FILIP1: variants seen among roughly 807,000 people sequenced by gnomAD.
FILIP1 encodes the protein filamin-A-interacting protein 1.
A neutral mutation model predicts 102.1 loss-of-function variants in FILIP1; 61 were observed. The ratio of observed to expected loss-of-function variants is 0.60; its 90% CI spans 0.49 to 0.74. FILIP1 has a LOEUF of 0.74. Among genes scored for constraint, FILIP1 ranks in the 30% least tolerant of loss-of-function variants. The probability of loss-of-function intolerance (pLI) is 0.00; values close to 1 mark genes in which losing one functional copy is unlikely to be tolerated. For synonymous variants in FILIP1, 491 were observed against 526.9 expected (o/e 0.93, Z 0.93); for missense variants, 1,314 against 1,441.2 (o/e 0.91, Z 1.43).
Position 75,312,928 on chromosome 6 carries a change from T to A in FILIP1, c.2904A>T (p.Gly968=). The A allele has an allele frequency of 6.2e-7, 1 of 1,614,154 alleles. No homozygotes were observed. The highest frequency in any genetic ancestry group is 1.1e-5 in the South Asian group (1 of 91,076). ...PNVMPQKQKS[G]DTTLGPERAM... is the part of the protein sequence containing the mutation. ...CTCGTTCTGGGCCAAGAGTAGTATC[T>A]CCACTTTTTTGTTTTTGAGGCATAA... The change falls in exon 5 of 6, where the codon GGA becomes GGT. Residue 968 remains glycine (G), a synonymous_variant. Coordinates refer to ENST00000237172, the MANE Select transcript of FILIP1 (RefSeq NM_015687.5).
Position 75,312,277 on chromosome 6 carries a change from T to C in FILIP1, c.3435+120A>G, listed in dbSNP as rs150077710. On this transcript the variant is annotated intron_variant, in intron 5 of 5. Transcript: ENST00000237172. ...TGGATGGTCCTCTGGGAAGCATCTGTTGGTGGATTCAGGTAGCATGAGAAG... is the reference window on the plus strand; with the variant it reads ...TGGATGGTCCTCTGGGAAGCATCTGCTGGTGGATTCAGGTAGCATGAGAAG... 8.7e-4 allele frequency: 820 copies of C among 947,450 alleles called. 2 individuals are homozygous for C. Among genetic ancestry groups the C allele is most frequent in the Admixed American group, 1.3e-3 (53 of 41,930 alleles). 58.7% of individuals were successfully genotyped at this position (947,450 alleles called of 1,614,324 possible). A position where few individuals can be genotyped will look rare whatever the true frequency, so the allele number is the denominator to read the frequency against.
intron 1 of FILIP1, among the ~76,000 whole-genome samples, chr6:75,438,686 C>T (rs969420874): frequency 2.0e-5 from 3 of 151,776 alleles, no homozygotes; most frequent in South Asian, 2.1e-4. Context: ...GTACATTCTA[C>T]GTAATCTCCA....
chr6:75,323,102 TTTA>T (rs1773718407), intron 4 of FILIP1, among the ~76,000 whole-genome samples: 1 of 152,214 alleles, frequency 6.6e-6, no homozygotes, highest in Non-Finnish European at 1.5e-5. Context: ...TTTTTCCTTT[TTTA>T]TTTTTATTTT....
intron 2 of FILIP1, among the ~76,000 whole-genome samples, chr6:75,409,355 A>G (rs1193314513): frequency 6.6e-6 from 1 of 152,154 alleles, no homozygotes; most frequent in East Asian, 1.9e-4. Context: ...GAGTTCTAAT[A>G]TTTTATAGAA....
chr6:75,334,173 A>C (rs898755753), intron 4 of FILIP1, among the ~76,000 whole-genome samples: 10 of 152,204 alleles, frequency 6.6e-5, no homozygotes, highest in African/African-American at 1.4e-4. Flanking sequence ...AGTATATAGA[A>C]AGGCTGACTG....
intron 6 of FILIP1, chr6:75,297,054 G>A (rs953141429): frequency 2.0e-5 from 3 of 152,074 alleles, no homozygotes; most frequent in Non-Finnish European, 4.4e-5. Context: ...GCAGGGGAAA[G>A]AAAATATTCA....
Position 75,391,498 on chromosome 6 carries a change from G to A in FILIP1, c.276+23199C>T, listed in dbSNP as rs142991691. On this transcript the variant is annotated intron_variant, in intron 2 of 5. Coordinates refer to ENST00000237172, the MANE Select transcript of FILIP1 (RefSeq NM_015687.5). ...CTCACCAAGAAAATTGAAACAATTT[G>A]GGAAGAATTTCCACTATCTCTTATC... Among the ~76,000 whole-genome samples, 12 of 151,998 alleles carry A rather than the reference G, an allele frequency of 7.9e-5. No homozygotes were observed. In the East Asian group the frequency reaches 2.3e-3, roughly 29 times the overall value.
intron 4 of FILIP1, among the ~76,000 whole-genome samples, chr6:75,317,132 T>C (rs1773472733): frequency 6.6e-6 from 1 of 152,256 alleles, no homozygotes; most frequent in African/African-American, 2.4e-5. Flanking sequence ...ATCTGAATTC[T>C]GACTCTGTCA....
chr6:75,366,008 C>T (rs1278420492), intron 2 of FILIP1: 1 of 152,192 alleles, frequency 6.6e-6, no homozygotes, highest in African/African-American at 2.4e-5. Context: ...TCTATGACCT[C>T]TTTTTGGCAT....
chr6:75,322,490 C>A (rs1458970909), intron 4 of FILIP1, among the ~76,000 whole-genome samples: 1 of 152,140 alleles, frequency 6.6e-6, no homozygotes, highest in Non-Finnish European at 1.5e-5. Context: ...AATTAGTACC[C>A]TGATTCCCAT....
At position 75,312,622 on chromosome 6, in the gene FILIP1, G is replaced by T. The variant is rs1773243902; in HGVS notation, c.3210C>A (p.His1070Gln). ...ITTEDNKIHI[H>Q]LGSQFKRSPG... Reference sequence around the variant, plus strand: ...GGGACCGTTTAAACTGAGACCCTAAGTGAATGTGAATTTTATTGTCCTCTG... The same window carrying T: ...GGGACCGTTTAAACTGAGACCCTAATTGAATGTGAATTTTATTGTCCTCTG... The change falls in exon 5 of 6, where the codon CAC becomes CAA. Residue 1070 changes from histidine (H) to glutamine (Q), a missense_variant. Transcript: ENST00000237172. The T allele has an allele frequency of 6.2e-7, 1 of 1,614,196 alleles. No homozygotes were observed. The highest frequency in any genetic ancestry group is 1.7e-5 in the Admixed American group (1 of 60,024).
intron 2 of FILIP1, among the ~76,000 whole-genome samples, chr6:75,380,207 C>CAAAA: frequency 6.7e-6 from 1 of 149,256 alleles, no homozygotes; most frequent in Non-Finnish European, 1.5e-5. Context: ...AATTAAAAGG[C>CAAAA]AAAAAAAAAG....
intron 6 of FILIP1, chr6:75,296,962 C>T (rs1582300275): frequency 6.6e-6 from 1 of 151,996 alleles, no homozygotes; most frequent in Non-Finnish European, 1.5e-5. Context: ...TTTATTGAGG[C>T]TGTATACTGT....
At position 75,313,429 on chromosome 6, in the gene FILIP1, C is replaced by T. The variant is rs148968530; in HGVS notation, c.2403G>A (p.Thr801=). The T allele has an allele frequency of 9.3e-6, 15 of 1,614,104 alleles. No individual in the cohort carries two copies. The highest frequency in any genetic ancestry group is 5.3e-5 in the African/African-American group (4 of 74,942). ...NGRRMVDVPV[T]STGVQTDAVS... is the part of the protein sequence containing the mutation. ...CTGCATCAGTTTGGACTCCAGTTGACGTCACAGGAACATCCACCATTCTTC... is the reference window on the plus strand; with the variant it reads ...CTGCATCAGTTTGGACTCCAGTTGATGTCACAGGAACATCCACCATTCTTC... The change falls in exon 5 of 6, where the codon ACG becomes ACA. Residue 801 remains threonine, a synonymous_variant. Coordinates refer to ENST00000237172, the MANE Select transcript of FILIP1 (RefSeq NM_015687.5). This position sits in a 1 kb window ranked among gnomAD's most constrained non-coding sequence, Gnocchi z 4.2.
chr6:75,385,393 A>G (rs1274517195), intron 2 of FILIP1, among the ~76,000 whole-genome samples: 4 of 152,204 alleles, frequency 2.6e-5, no homozygotes, highest in African/African-American at 9.6e-5. Flanking sequence ...GCTGGCATAC[A>G]TATCAATAGC....
At chr6:75,362,360 G>C (rs761088385) in intron 3 of FILIP1, among the ~76,000 whole-genome samples, 3 of 152,274 alleles carry the variant, frequency 2.0e-5, no homozygotes, top group South Asian at 4.1e-4. Flanking sequence ...AACCATATCA[G>C]ATAAGATCAA....
chr6:75,319,146 C>T (rs1029132833), intron 4 of FILIP1: 7 of 728,672 alleles, frequency 9.6e-6, no homozygotes, highest in Non-Finnish European at 1.7e-5. Flanking sequence ...TGACAATTCC[C>T]TTTTATGCTG....
At chr6:75,363,260 G>A (rs1412015109) in intron 2 of FILIP1, among the ~76,000 whole-genome samples, 1 of 152,098 alleles carries the variant, frequency 6.6e-6, no homozygotes, top group Non-Finnish European at 1.5e-5. Flanking sequence ...GTGCACATGA[G>A]GTCAATGACA....
chr6:75,365,508 T>C (rs1224991192), intron 2 of FILIP1, among the ~76,000 whole-genome samples: 1 of 152,176 alleles, frequency 6.6e-6, no homozygotes, highest in East Asian at 1.9e-4. Context: ...CTCCTCAGCC[T>C]CCTGAGTAGC....
Sources: gnomAD v4.1 joint callset for allele counts (sites outside exome capture counted in the v4.1 genomes callset) on GRCh38, gnomAD v4.1.1 for gene constraint, Gnocchi (gnomAD v3.1) non-coding constraint, MANE v1.5 for transcripts, NCBI Gene and HGNC (gene_info 2026-07-23, HGNC 2026-07-21) for gene names.